Variants in CASTOR2 observed in about 807,000 individuals in gnomAD.
CASTOR2 encodes the protein GATS protein like 2.
A neutral mutation model predicts 31.2 loss-of-function variants in CASTOR2; 8 were observed. The ratio of observed to expected loss-of-function variants is 0.26; its 90% CI spans 0.15 to 0.46. The LOEUF (loss-of-function observed/expected upper bound fraction) is 0.46. CASTOR2 is among the 20% of genes least tolerant of loss of function. CASTOR2 has a pLI of 0.99. For synonymous variants in CASTOR2, 162 were observed against 158.7 expected, an observed-to-expected ratio of 1.02 and a Z score of -0.16; for missense variants, 216 against 382.1, an observed-to-expected ratio of 0.57 and a Z score of 3.62.
chr7:75,015,253 G>A (rs1215838463), intron 2 of CASTOR2, among the ~76,000 whole-genome samples: 1 of 152,064 alleles, frequency 6.6e-6, no homozygotes, highest in East Asian at 1.9e-4. Flanking sequence ...ACCCATCTTT[G>A]AGCCCCTCTC....
intron 2 of CASTOR2, among the ~76,000 whole-genome samples, chr7:75,017,305 G>T (rs1368173539): frequency 6.6e-6 from 1 of 151,960 alleles, no homozygotes; most frequent in Non-Finnish European, 1.5e-5. Context: ...AAATTAGCTG[G>T]GCGTGGTGGC....
In CASTOR2 at chr7:75,025,384, AC is replaced by A. The variant is rs1311353562; in HGVS notation, c.*686del. Among the ~76,000 whole-genome samples the A allele has an allele frequency of 2.0e-5, 3 of 152,038 alleles. No homozygotes were observed. The highest frequency in any genetic ancestry group is 7.2e-5 in the African/African-American group (3 of 41,406). On this transcript the variant is annotated 3_prime_UTR_variant, in exon 9 of 9. Transcript: ENST00000616305. Reference sequence around the variant, plus strand: ...GAGGGCCCTGTCCAGACCCTCCCCCACAAGCACTCAGTCCTTGGGGGAGGAG... The same window carrying A: ...GAGGGCCCTGTCCAGACCCTCCCCCAAAGCACTCAGTCCTTGGGGGAGGAG...
chr7:75,007,906 A>T, intron 1 of CASTOR2, 88 bp from the exon 2 acceptor site: 1 of 1,596,654 alleles, frequency 6.3e-7, no homozygotes, highest in African/African-American at 1.3e-5. Context: ...GGGTGAACTG[A>T]GTCATCATCC....
intron 1 of CASTOR2, among the ~76,000 whole-genome samples, chr7:74,989,175 A>G (rs1273135907): frequency 2.0e-5 from 3 of 151,706 alleles, no homozygotes; most frequent in Non-Finnish European, 2.9e-5. Flanking sequence ...CGTGTTAGCC[A>G]GGATGGTCTC....
Position 75,024,901 on chromosome 7 carries a change from AGC to A in CASTOR2, c.*203_*204del. 1.5e-6 allele frequency: 2 copies of A among 1,311,620 alleles called. No individual in the cohort carries two copies. Among genetic ancestry groups the A allele is most frequent in the Non-Finnish European group, 2.1e-6 (2 of 950,388 alleles). The allele number at this position is 1,311,620 out of a possible 1,614,324, so 81.2% of individuals were successfully genotyped here. On this transcript the variant is annotated 3_prime_UTR_variant, in exon 9 of 9. Coordinates refer to ENST00000616305, the MANE Select transcript of CASTOR2 (RefSeq NM_001145064.3). The stretch of plus-strand genomic sequence containing the variant: ...TCTCCATGCCCTCCTGCCTTCCCGG[AGC>A]CCCCCGACCCTCCAGAGAACGACCT...
At chr7:74,983,939 C>A (rs1189273491) in intron 1 of CASTOR2, among the ~76,000 whole-genome samples, 2 of 151,268 alleles carry the variant, frequency 1.3e-5, no homozygotes, top group African/African-American at 2.4e-5. Flanking sequence ...TGCCACCACA[C>A]CTGGCTAATT....
At chr7:75,016,353 G>A (rs1378193971) in intron 2 of CASTOR2, among the ~76,000 whole-genome samples, 2 of 152,212 alleles carry the variant, frequency 1.3e-5, no homozygotes, top group African/African-American at 4.8e-5. Context: ...TAGGTAAGGA[G>A]GCTTAGCAGT....
intron 2 of CASTOR2, among the ~76,000 whole-genome samples, chr7:75,015,550 G>A (rs1804845219): frequency 6.6e-6 from 1 of 152,120 alleles, no homozygotes; most frequent in Non-Finnish European, 1.5e-5. Flanking sequence ...AGCAGTGGGA[G>A]TACGGGCATG....
At chr7:75,006,840 ACCCCCGCCC>A (rs2131943823) in intron 1 of CASTOR2, among the ~76,000 whole-genome samples, 1 of 144,950 alleles carries the variant, frequency 6.9e-6, no homozygotes, top group African/African-American at 2.6e-5. Context: ...GATTGTGAGC[ACCCCCGCCC>A]CCCCAGCCCC....
chr7:75,022,119 G>A (rs1655911141), intron 7 of CASTOR2, among the ~76,000 whole-genome samples, 163 bp downstream of exon 7: 1 of 152,226 alleles, frequency 6.6e-6, no homozygotes, highest in African/African-American at 2.4e-5. Context: ...TGTGGCAGCT[G>A]TACACAGGCC....
intron 7 of CASTOR2, among the ~76,000 whole-genome samples, chr7:75,023,596 C>T (rs939830782): frequency 2.6e-5 from 4 of 151,842 alleles, no homozygotes; most frequent in East Asian, 2.0e-4. Context: ...CGTGCCACCA[C>T]GCCCGGCTAA....
intron 1 of CASTOR2, among the ~76,000 whole-genome samples, chr7:74,998,121 C>T (rs1309423441): frequency 6.6e-6 from 1 of 152,130 alleles, no homozygotes; most frequent in Admixed American, 6.5e-5. Flanking sequence ...GGCAGTTCAG[C>T]CCCGGCTCGG....
At chr7:75,011,746 A>AAAC (rs1206318648) in intron 2 of CASTOR2, among the ~76,000 whole-genome samples, 6 of 122,270 alleles carry the variant, frequency 4.9e-5, no homozygotes, top group African/African-American at 3.3e-4. Context: ...AAAAAAAAAA[A>AAAC]CCAAAAAAAA....
intron 2 of CASTOR2, among the ~76,000 whole-genome samples, chr7:75,016,539 G>A (rs1804868332): frequency 1.3e-5 from 2 of 152,242 alleles, no homozygotes; most frequent in African/African-American, 4.8e-5. Flanking sequence ...TGGCTGAAGG[G>A]GGAAGAGAAA....
At chr7:74,976,531 TCTCCTCCTC>T (rs369879917) in intron 1 of CASTOR2, among the ~76,000 whole-genome samples, 77,402 of 118,576 alleles carry the variant, frequency 0.65, 26,927 homozygotes, top group East Asian at 0.93. Context: ...TGAGACCCTG[TCTCCTCCTC>T]CTCCTCCTCC....
chr7:74,993,337 G>A (rs2131932785), intron 1 of CASTOR2, among the ~76,000 whole-genome samples: 1 of 152,130 alleles, frequency 6.6e-6, no homozygotes, highest in South Asian at 2.1e-4. Context: ...TCTCTGTTCA[G>A]GATTCCAGTA....
At chr7:75,022,007 G>A in intron 7 of CASTOR2, 51 bp downstream of exon 7, 3 of 1,547,230 alleles carry the variant, frequency 1.9e-6, no homozygotes, top group Non-Finnish European at 2.6e-6. Flanking sequence ...GCATTGCTGA[G>A]CCCATTCACA....
chr7:75,009,386 G>A (rs1804680342), intron 2 of CASTOR2, among the ~76,000 whole-genome samples: 1 of 139,122 alleles, frequency 7.2e-6, no homozygotes, highest in African/African-American at 2.7e-5. Flanking sequence ...TCCTGCCTCA[G>A]TCTCCCGAGT....
At chr7:75,007,657 CA>C (rs1360141866) in intron 1 of CASTOR2, among the ~76,000 whole-genome samples, 1 of 152,096 alleles carries the variant, frequency 6.6e-6, no homozygotes, top group Non-Finnish European at 1.5e-5. Context: ...CTGCCTGACC[CA>C]CACTGGAGCC....
Sources: allele counts gnomAD v4.1 joint callset (sites outside exome capture counted in the v4.1 genomes callset), GRCh38; gene constraint gnomAD v4.1.1; transcripts MANE v1.5; gene names NCBI Gene and HGNC (gene_info 2026-07-23, HGNC 2026-07-21).